PRRX2: variants seen among roughly 807,000 people sequenced by gnomAD.
PRRX2 encodes the protein paired mesoderm homeobox protein 2.
PRRX2 carries 11 observed loss-of-function variants against 18.0 expected under a neutral mutation model. That is an observed-to-expected ratio of 0.61 (90% CI 0.39 to 1.01). The LOEUF (loss-of-function observed/expected upper bound fraction) is 1.01. Ranked by LOEUF, PRRX2 falls within the 50% of genes least tolerant of loss-of-function variation. PRRX2 has a pLI of 0.01. For synonymous variants in PRRX2, 177 were observed against 154.8 expected, an observed-to-expected ratio of 1.14 and a Z score of -1.06; for missense variants, 387 against 351.0, an observed-to-expected ratio of 1.10 and a Z score of -0.82.
Position 129,695,781 on chromosome 9 carries a change from T to C in PRRX2, c.260-23450T>C, listed in dbSNP as rs1470559168. The stretch of plus-strand genomic sequence containing the variant: ...GGGAACTTTTTAAAAGTGAGTTTTT[T>C]TTCTAAAATCCAGAATTTCTGACAG... On this transcript the variant is annotated intron_variant, in intron 1 of 3. Coordinates refer to ENST00000372469, the MANE Select transcript of PRRX2 (RefSeq NM_016307.4). The surrounding 1 kb of genome is among the most constrained non-coding windows in gnomAD (Gnocchi z 4.8). Among the ~76,000 whole-genome samples the C allele has an allele frequency of 2.6e-5, 4 of 152,226 alleles. No individual in the cohort carries two copies. Among genetic ancestry groups the C allele is most frequent in the African/African-American group, 9.6e-5 (4 of 41,458 alleles).
At chr9:129,713,698 T>C (rs1832662321) in intron 1 of PRRX2, among the ~76,000 whole-genome samples, 1 of 151,710 alleles carries the variant, frequency 6.6e-6, no homozygotes, top group Admixed American at 6.6e-5. Context: ...TGGCGTGATC[T>C]CAGCTCACTG....
chr9:129,675,123 TGGC>T lies in PRRX2; in HGVS notation c.259+8998_259+9000del, dbSNP rs1477938702. Among the ~76,000 whole-genome samples the T allele has an allele frequency of 6.6e-6, 1 of 152,178 alleles. No homozygotes were observed. The highest frequency in any genetic ancestry group is 2.4e-5 in the African/African-American group (1 of 41,448). On this transcript the variant is annotated intron_variant, in intron 1 of 3. Coordinates refer to ENST00000372469, the MANE Select transcript of PRRX2 (RefSeq NM_016307.4). This position sits in a 1 kb window ranked among gnomAD's most constrained non-coding sequence, Gnocchi z 4.4. ...AGAGCTGCCGCAGGATGCATAAGGC[TGGC>T]TCTGGACCTGGAAGGGCCCGGAAGT...
chr9:129,681,300 A>G (rs1052007505), intron 1 of PRRX2, among the ~76,000 whole-genome samples: 2 of 152,136 alleles, frequency 1.3e-5, no homozygotes, highest in African/African-American at 4.8e-5. Flanking sequence ...CGGGCGGATC[A>G]CCTGAGGTCA....
chr9:129,686,364 T>A (rs1832298878), intron 1 of PRRX2, among the ~76,000 whole-genome samples: 1 of 152,210 alleles, frequency 6.6e-6, no homozygotes, highest in Non-Finnish European at 1.5e-5. Flanking sequence ...GTTTTGTTTT[T>A]GAGACTTGGT....
intron 1 of PRRX2, among the ~76,000 whole-genome samples, chr9:129,697,210 C>G (rs1229868196): frequency 6.6e-6 from 1 of 152,190 alleles, no homozygotes; most frequent in Non-Finnish European, 1.5e-5. Flanking sequence ...GCAGTCAGTC[C>G]TGGCTCCCAC....
intron 1 of PRRX2, chr9:129,718,763 A>G (rs1832747784): frequency 6.5e-6 from 1 of 153,056 alleles, no homozygotes. Flanking sequence ...TCTTTATGAC[A>G]TATTAATTAT....
At chr9:129,686,164 G>A (rs1447388367) in intron 1 of PRRX2, among the ~76,000 whole-genome samples, 1 of 152,190 alleles carries the variant, frequency 6.6e-6, no homozygotes, top group Non-Finnish European at 1.5e-5. Flanking sequence ...ACCCAGTGAA[G>A]CTGGAGGGGG....
intron 1 of PRRX2, among the ~76,000 whole-genome samples, chr9:129,688,919 T>C (rs1588166439): frequency 6.6e-6 from 1 of 152,166 alleles, no homozygotes; most frequent in Non-Finnish European, 1.5e-5. Flanking sequence ...TTCTCATTCA[T>C]AGAATGGAAA....
intron 1 of PRRX2, among the ~76,000 whole-genome samples, chr9:129,704,842 C>G (rs1832538234): frequency 1.3e-5 from 2 of 152,196 alleles, no homozygotes; most frequent in Non-Finnish European, 2.9e-5. Flanking sequence ...GGCCCCAGCC[C>G]TCACCCCAAG....
chr9:129,683,387 C>G (rs566232146), intron 1 of PRRX2, among the ~76,000 whole-genome samples: 1 of 152,332 alleles, frequency 6.6e-6, no homozygotes, highest in Admixed American at 6.5e-5. Flanking sequence ...CTGTGCAGGT[C>G]CTGGGCACAC....
chr9:129,680,142 C>T (rs1832207971), intron 1 of PRRX2, among the ~76,000 whole-genome samples: 1 of 152,088 alleles, frequency 6.6e-6, no homozygotes, highest in Admixed American at 6.5e-5. Flanking sequence ...TGGCTCATGC[C>T]TGTAATCTCA....
At chr9:129,673,367 G>A (rs1459060094) in intron 1 of PRRX2, among the ~76,000 whole-genome samples, 2 of 152,150 alleles carry the variant, frequency 1.3e-5, no homozygotes, top group Non-Finnish European at 2.9e-5. Flanking sequence ...TGAGACAGGA[G>A]GATCCCTTGA....
intron 1 of PRRX2, among the ~76,000 whole-genome samples, chr9:129,676,773 AC>A (rs1832166337): frequency 6.6e-6 from 1 of 152,096 alleles, no homozygotes; most frequent in African/African-American, 2.4e-5. Context: ...GTGCTGGGAG[AC>A]CCGGGGCCTC....
At chr9:129,701,039 CAGA>C (rs1030131012) in intron 1 of PRRX2, among the ~76,000 whole-genome samples, 5 of 152,218 alleles carry the variant, frequency 3.3e-5, no homozygotes, top group African/African-American at 1.2e-4. Context: ...TGAAATCCAG[CAGA>C]AGGACAAAGA....
intron 1 of PRRX2, among the ~76,000 whole-genome samples, chr9:129,683,771 A>G (rs1344618634): frequency 6.6e-6 from 1 of 152,182 alleles, no homozygotes; most frequent in East Asian, 1.9e-4. Context: ...ACAGGCAGGT[A>G]ATTTACTGCA....
At chr9:129,706,489 G>A (rs961219183) in intron 1 of PRRX2, among the ~76,000 whole-genome samples, 1 of 152,146 alleles carries the variant, frequency 6.6e-6, no homozygotes, top group Non-Finnish European at 1.5e-5. Flanking sequence ...CTTGAACCTG[G>A]GAGGCGGAGG....
In PRRX2 at chr9:129,715,708, T is replaced by C. The variant is rs915237896; in HGVS notation, c.260-3523T>C. 6.6e-6 allele frequency among the ~76,000 whole-genome samples: 1 copy of C among 151,126 alleles called. No individual in the cohort carries two copies. Among genetic ancestry groups the C allele is most frequent in the African/African-American group, 2.4e-5 (1 of 41,058 alleles). ...CTCACAGGGGCAAAATTGCCCTCGG[T>C]TGAGAAGCAGTGGTCCAAACCCAGC... On this transcript the variant is annotated intron_variant, in intron 1 of 3. Transcript: ENST00000372469. This position sits in a 1 kb window ranked among gnomAD's most constrained non-coding sequence, Gnocchi z 4.0.
At chr9:129,674,153 T>C (rs758097186) in intron 1 of PRRX2, among the ~76,000 whole-genome samples, 6 of 152,122 alleles carry the variant, frequency 3.9e-5, no homozygotes, top group Non-Finnish European at 5.9e-5. Flanking sequence ...GGTCCCTGGT[T>C]GCTCTCGCTG....
At chr9:129,672,873 C>A (rs1291640985) in intron 1 of PRRX2, among the ~76,000 whole-genome samples, 1 of 143,714 alleles carries the variant, frequency 7.0e-6, no homozygotes, top group African/African-American at 2.6e-5. Context: ...ATCCCCAGCT[C>A]CCGCACTTGT....
Sources: allele counts gnomAD v4.1 joint callset (sites outside exome capture counted in the v4.1 genomes callset), GRCh38; gene constraint gnomAD v4.1.1; non-coding constraint Gnocchi (gnomAD v3.1); transcripts MANE v1.5; gene names NCBI Gene and HGNC (gene_info 2026-07-23, HGNC 2026-07-21).